Variants in HGD observed in about 807,000 individuals in gnomAD.
The protein encoded by HGD is homogentisate 1,2-dioxygenase, also known as homogentisate oxidase.
In HGD, 61 loss-of-function variants were observed where a neutral mutation model predicts 60.8. The observed-to-expected ratio is 1.00, with a 90% confidence interval of 0.82 to 1.24. The LOEUF (loss-of-function observed/expected upper bound fraction) is 1.24. Ranked by LOEUF, HGD falls within the 50% of genes most tolerant of loss-of-function variation. The probability of loss-of-function intolerance (pLI) is 0.00; values close to 1 mark genes in which losing one functional copy is unlikely to be tolerated. For synonymous variants in HGD, 212 were observed against 187.7 expected (o/e 1.13, Z -1.06); for missense variants, 542 against 547.1 (o/e 0.99, Z 0.09).
At chr3:120,630,240 C>A (rs577830162) in intron 13 of HGD, among the ~76,000 whole-genome samples, 3 of 152,260 alleles carry the variant, frequency 2.0e-5, no homozygotes, top group Non-Finnish European at 4.4e-5. Context: ...TATCAAAATA[C>A]CAACGACATT....
At chr3:120,630,710 C>A (rs1396054402) in intron 13 of HGD, among the ~76,000 whole-genome samples, 1 of 150,558 alleles carries the variant, frequency 6.6e-6, no homozygotes, top group East Asian at 1.9e-4. Flanking sequence ...AGGACATCAG[C>A]ATGGGCAAAG....
chr3:120,675,502 G>C (rs778760687), intron 2 of HGD, among the ~76,000 whole-genome samples: 4 of 152,090 alleles, frequency 2.6e-5, no homozygotes, highest in Non-Finnish European at 5.9e-5. Context: ...CACATCCATG[G>C]TGTTCAAGGG....
intron 2 of HGD, among the ~76,000 whole-genome samples, chr3:120,675,564 C>T (rs1320387506): frequency 5.3e-5 from 8 of 152,056 alleles, no homozygotes; most frequent in Non-Finnish European, 2.9e-5. Context: ...CTACTGGAAA[C>T]CCTACAGTTA....
chr3:120,636,151 A>G (rs1040195227), intron 12 of HGD, among the ~76,000 whole-genome samples: 1 of 149,442 alleles, frequency 6.7e-6, no homozygotes, highest in African/African-American at 2.5e-5. Context: ...GTGGTGGTGC[A>G]CACCTGTGGT....
intron 13 of HGD, 112 bp from the exon 14 acceptor site, chr3:120,628,641 A>G (rs1940492616): frequency 7.9e-7 from 1 of 1,261,168 alleles, no homozygotes; most frequent in Non-Finnish European, 1.1e-6. Context: ...ATAACAAATC[A>G]AAGATTTGTG....
At chr3:120,650,180 A>G (rs1376516079) in intron 6 of HGD, among the ~76,000 whole-genome samples, 2 of 152,230 alleles carry the variant, frequency 1.3e-5, no homozygotes, top group African/African-American at 4.8e-5. Context: ...CTGCAACTAC[A>G]GAGTTTCTAA....
At chr3:120,656,461 T>C (rs1243935652) in intron 4 of HGD, among the ~76,000 whole-genome samples, 10 of 152,236 alleles carry the variant, frequency 6.6e-5, no homozygotes, top group Admixed American at 6.5e-4. Flanking sequence ...TTGACTATAG[T>C]AGGCATTAAT....
chr3:120,633,011 A>T, intron 13 of HGD, 136 bp downstream of exon 13: 4 of 755,826 alleles, frequency 5.3e-6, no homozygotes, highest in Non-Finnish European at 9.1e-6. Flanking sequence ...TATACATGTA[A>T]ACATACTTAT....
intron 2 of HGD, 105 bp downstream of exon 2, chr3:120,675,687 C>T (rs1708114013): frequency 3.6e-6 from 3 of 830,686 alleles, no homozygotes; most frequent in Admixed American, 1.7e-5. Flanking sequence ...AGACAGTTCA[C>T]AGGCTAGATT....
chr3:120,642,637 A>G (rs1941024447), intron 10 of HGD, among the ~76,000 whole-genome samples: 1 of 152,196 alleles, frequency 6.6e-6, no homozygotes, highest in Non-Finnish European at 1.5e-5. Context: ...ACACAGTTGG[A>G]CAGAAGCGTG....
At chr3:120,640,488 C>G in intron 11 of HGD, among the ~76,000 whole-genome samples, 1 of 152,168 alleles carries the variant, frequency 6.6e-6, no homozygotes, top group East Asian at 1.9e-4. Flanking sequence ...CATGGGAAGC[C>G]TGCAAAGGCT....
rs181709888 is a variant in HGD at position 120,648,363 on chromosome 3, C to T, written c.435-452G>A. On this transcript the variant is annotated intron_variant, in intron 6 of 13. Coordinates refer to ENST00000283871, the MANE Select transcript of HGD (RefSeq NM_000187.4). ...TGAAAGAAGTGAATGAAGGCCAATGCGGCTCAAGTGGAGAGAGGGGAGGTG... is the reference window on the plus strand; with the variant it reads ...TGAAAGAAGTGAATGAAGGCCAATGTGGCTCAAGTGGAGAGAGGGGAGGTG... 5.3e-4 allele frequency among the ~76,000 whole-genome samples: 81 copies of T among 152,302 alleles called. No homozygotes were observed. In the Middle Eastern group the frequency reaches 0.01, roughly 19 times the overall value.
intron 4 of HGD, among the ~76,000 whole-genome samples, chr3:120,655,487 T>C (rs914619826): frequency 1.3e-5 from 2 of 152,232 alleles, no homozygotes; most frequent in Admixed American, 6.5e-5. Flanking sequence ...ACAGAATCTA[T>C]ATTCAGATCA....
intron 5 of HGD, among the ~76,000 whole-genome samples, chr3:120,651,231 G>A (rs372386610): frequency 6.6e-6 from 1 of 152,212 alleles, no homozygotes; most frequent in Non-Finnish European, 1.5e-5. Context: ...GGGGAGGAAG[G>A]TTGCAGCATC....
At chr3:120,647,939 T>G in intron 6 of HGD, 28 bp from the exon 7 acceptor site, 1 of 1,575,846 alleles carries the variant, frequency 6.3e-7, no homozygotes, top group Non-Finnish European at 8.7e-7. Context: ...ATTCTTGTGA[T>G]TTTCAGTTTT....
At chr3:120,650,656 A>G (rs1383591570) in intron 6 of HGD, 118 bp downstream of exon 6, 2 of 788,166 alleles carry the variant, frequency 2.5e-6, no homozygotes, top group East Asian at 4.9e-5. Context: ...GAAAACCAAT[A>G]ACAAAAACAA....
intron 1 of HGD, among the ~76,000 whole-genome samples, chr3:120,679,294 C>T (rs1361035530): frequency 6.6e-6 from 1 of 152,138 alleles, no homozygotes; most frequent in African/African-American, 2.4e-5. Context: ...CACCTCACTT[C>T]CTCTTACTGG....
rs879884329 is a variant in HGD at position 120,657,825 on chromosome 3, GAGAGAGAGAGAGAA to G, written c.283-5188_283-5175del. The stretch of plus-strand genomic sequence containing the variant: ...ACATTGCAGGAACAGGAGTGAGAGA[GAGAGAGAGAGAGAA>G]AGAGAGAGAGAAAGAAAGAGAGAGA... On this transcript the variant is annotated intron_variant, in intron 4 of 13. Coordinates refer to ENST00000283871, the MANE Select transcript of HGD (RefSeq NM_000187.4). Among the ~76,000 whole-genome samples the G allele has an allele frequency of 8.9e-3, 1,349 of 152,018 alleles. 13 individuals carry two copies. Among genetic ancestry groups the G allele is most frequent in the Middle Eastern group, 0.027 (8 of 294 alleles).
At chr3:120,667,625 G>A (rs1707930559) in intron 4 of HGD, among the ~76,000 whole-genome samples, 1 of 151,994 alleles carries the variant, frequency 6.6e-6, no homozygotes, top group African/African-American at 2.4e-5. Context: ...TGGCTCCACT[G>A]TTGTCCACAC....
Sources: allele counts gnomAD v4.1 joint callset (sites outside exome capture counted in the v4.1 genomes callset), GRCh38; gene constraint gnomAD v4.1.1; transcripts MANE v1.5; gene names NCBI Gene and HGNC (gene_info 2026-07-23, HGNC 2026-07-21).